Variants in LRRC2 observed in about 807,000 individuals in gnomAD.
LRRC2 encodes leucine rich repeat containing 2.
A neutral mutation model predicts 40.2 loss-of-function variants in LRRC2; 27 were observed. That is an observed-to-expected ratio of 0.67 (90% CI 0.49 to 0.93). The LOEUF is 0.93. Ranked by LOEUF, LRRC2 falls within the 40% of genes least tolerant of loss-of-function variation. The pLI is 0.00. For missense variants in LRRC2, 402 were observed against 439.6 expected (o/e 0.91, Z 0.76); for synonymous variants, 147 against 158.9 (o/e 0.92, Z 0.56).
intron 2 of LRRC2, among the ~76,000 whole-genome samples, chr3:46,550,778 G>A (rs186276128): frequency 3.9e-5 from 6 of 152,264 alleles, no homozygotes; most frequent in Admixed American, 3.3e-4. Context: ...TTGAGAATGG[G>A]TCTGCCAATG....
rs1704130732 is a variant in LRRC2, at chr3:46,529,987, T to C, written c.691A>G (p.Ile231Val). 6.2e-7 allele frequency: 1 copy of C among 1,614,090 alleles called. No homozygotes were observed. The highest frequency in any genetic ancestry group is 8.5e-7 in the Non-Finnish European group (1 of 1,179,994). ...AAATTCGACATCCGCAGGACACAGA[T>C]TGGGACACTGGAAAACTTGTTTGCT... ...ISANKFSSVP[I>V]CVLRMSNLQW... Residue 231 changes from isoleucine (I) to valine (V), a missense_variant, in exon 6 of 9, where the codon ATC becomes GTC. Physicochemically the swap from Ile to Val is conservative, Grantham distance 29 (BLOSUM62 3). Transcript: ENST00000395905.
At chr3:46,520,960 C>T (rs114968889) in intron 8 of LRRC2, among the ~76,000 whole-genome samples, 1,697 of 152,244 alleles carry the variant, frequency 0.011, 30 homozygotes, top group African/African-American at 0.038. Flanking sequence ...AAACAGCCGC[C>T]GGAATCTGGC....
rs1213485443 is a variant in LRRC2 at position 46,529,985 on chromosome 3, G to A, written c.693C>T (p.Ile231=). 1.2e-6 allele frequency: 2 copies of A among 1,613,972 alleles called. No individual in the cohort carries two copies. The highest frequency in any genetic ancestry group is 2.2e-5 in the South Asian group (2 of 91,086). ...GCAAATTCGACATCCGCAGGACACAGATTGGGACACTGGAAAACTTGTTTG... is the reference window on the plus strand; with the variant it reads ...GCAAATTCGACATCCGCAGGACACAAATTGGGACACTGGAAAACTTGTTTG... ...ISANKFSSVP[I]CVLRMSNLQW... is the part of the protein sequence containing the mutation. Residue 231 remains isoleucine (I), a synonymous_variant, in exon 6 of 9, where the codon ATC becomes ATT. Coordinates refer to ENST00000395905, the MANE Select transcript of LRRC2 (RefSeq NM_024512.5).
intron 3 of LRRC2, among the ~76,000 whole-genome samples, chr3:46,544,502 G>A (rs1336967283): frequency 6.6e-6 from 1 of 152,160 alleles, no homozygotes; most frequent in Non-Finnish European, 1.5e-5. Context: ...GACACAAAAT[G>A]GCAAGATACA....
At chr3:46,532,340 C>T (rs1282962446) in intron 5 of LRRC2, among the ~76,000 whole-genome samples, 6 of 152,186 alleles carry the variant, frequency 3.9e-5, no homozygotes, top group Non-Finnish European at 8.8e-5. Context: ...TGCGGTGGCT[C>T]ACACCTGTAA....
At chr3:46,540,478 T>C (rs1704362736) in intron 3 of LRRC2, among the ~76,000 whole-genome samples, 1 of 143,918 alleles carries the variant, frequency 6.9e-6, no homozygotes, top group African/African-American at 2.6e-5. Context: ...TGAGCCAAAA[T>C]AGCACCACTG....
At chr3:46,520,996 T>A (rs949471093) in intron 8 of LRRC2, among the ~76,000 whole-genome samples, 4 of 152,174 alleles carry the variant, frequency 2.6e-5, no homozygotes, top group Non-Finnish European at 5.9e-5. Context: ...TCCCACCCTT[T>A]CCTGAGGTAC....
At chr3:46,522,958 T>C (rs534349084) in intron 7 of LRRC2, among the ~76,000 whole-genome samples, 4 of 152,340 alleles carry the variant, frequency 2.6e-5, no homozygotes, top group South Asian at 4.1e-4. Flanking sequence ...CCCTGCTGTC[T>C]TGAGATGTTA....
At chr3:46,559,924 C>A (rs1356679172) in intron 1 of LRRC2, among the ~76,000 whole-genome samples, 1 of 152,196 alleles carries the variant, frequency 6.6e-6, no homozygotes, top group African/African-American at 2.4e-5. Context: ...GGATGTAAAT[C>A]AGCATCTTGC....
At chr3:46,549,973 G>A (rs1704608457) in intron 2 of LRRC2, among the ~76,000 whole-genome samples, 1 of 152,186 alleles carries the variant, frequency 6.6e-6, no homozygotes, top group Non-Finnish European at 1.5e-5. Flanking sequence ...TGGGCTTTCT[G>A]GTTTAAGGGT....
At chr3:46,533,702 T>TTTCCTTCCTTCCTTCCTTCC (rs372699647) in intron 4 of LRRC2, among the ~76,000 whole-genome samples, 4 of 89,386 alleles carry the variant, frequency 4.5e-5, no homozygotes, top group Admixed American at 1.1e-4. Context: ...GTATTCACAG[T>TTTCCTTCCTTCCTTCCTTCC]TTCCTTCCTT....
At chr3:46,536,942 C>T (rs1453375253) in intron 4 of LRRC2, among the ~76,000 whole-genome samples, 1 of 152,202 alleles carries the variant, frequency 6.6e-6, no homozygotes, top group Non-Finnish European at 1.5e-5. Context: ...GAGCATGACT[C>T]ATCCCATGGT....
rs1185859282 is a variant in LRRC2, at chr3:46,530,004, T to C, written c.674A>G (p.Lys225Arg). Residue 225 changes from lysine to arginine, a missense_variant, in exon 6 of 9, where the codon AAG (lysine) becomes AGG (arginine). Transcript: ENST00000395905. ...GACACAGATTGGGACACTGGAAAAC[T>C]TGTTTGCTGAGATATCTACAAATGT... ...QVTFVDISAN[K>R]FSSVPICVLR... 1.9e-6 allele frequency: 3 copies of C among 1,613,976 alleles called. No homozygotes were observed. The South Asian group carries it at 3.3e-5, about 18-fold the overall frequency.
intron 6 of LRRC2, among the ~76,000 whole-genome samples, chr3:46,529,260 T>TA (rs1307993378): frequency 6.6e-6 from 1 of 151,930 alleles, no homozygotes; most frequent in East Asian, 1.9e-4. Flanking sequence ...ATTCTTATTT[T>TA]AAAAAACATG....
At chr3:46,548,172 A>G (rs914700465) in intron 2 of LRRC2, among the ~76,000 whole-genome samples, 6 of 152,228 alleles carry the variant, frequency 3.9e-5, no homozygotes, top group African/African-American at 1.4e-4. Context: ...CCTATAGCAC[A>G]TATTACAAAT....
At chr3:46,560,081 C>T (rs1704900979) in intron 1 of LRRC2, among the ~76,000 whole-genome samples, 1 of 152,182 alleles carries the variant, frequency 6.6e-6, no homozygotes, top group Admixed American at 6.5e-5. Context: ...CAGCCCAGCC[C>T]TTGGCATCCC....
chr3:46,530,306 G>A (rs1193072519), intron 5 of LRRC2, among the ~76,000 whole-genome samples: 2 of 152,112 alleles, frequency 1.3e-5, no homozygotes, highest in Non-Finnish European at 2.9e-5. Flanking sequence ...CAAGCTGGGC[G>A]TGGTTGCTCA....
At chr3:46,553,841 T>C (rs1559419701) in intron 1 of LRRC2, among the ~76,000 whole-genome samples, 1 of 152,326 alleles carries the variant, frequency 6.6e-6, no homozygotes, top group East Asian at 1.9e-4. Context: ...GGCTTGCCAA[T>C]AAGAATGGGA....
At chr3:46,525,597 T>C (rs1050583250) in intron 7 of LRRC2, among the ~76,000 whole-genome samples, 13 of 152,164 alleles carry the variant, frequency 8.5e-5, no homozygotes, top group Non-Finnish European at 1.2e-4. Flanking sequence ...ACTCTTGTTT[T>C]CTAAAATTAT....
Sources: allele counts gnomAD v4.1 joint callset (sites outside exome capture counted in the v4.1 genomes callset), GRCh38; gene constraint gnomAD v4.1.1; transcripts MANE v1.5; gene names NCBI Gene and HGNC (gene_info 2026-07-23, HGNC 2026-07-21).